The following OGG1 variants were observed in gnomAD, a reference collection of about 807,000 sequenced individuals.
OGG1 encodes the protein 8-oxoguanine DNA glycosylase, also known as N-glycosylase/DNA lyase.
A neutral mutation model predicts 42.3 loss-of-function variants in OGG1; 35 were observed. That is an observed-to-expected ratio of 0.83 (90% CI 0.63 to 1.10). The LOEUF is 1.10. OGG1 is among the 50% of genes least tolerant of loss of function. The pLI, the probability that OGG1 is intolerant of heterozygous loss-of-function variation, is 0.00. For synonymous variants in OGG1, 189 were observed against 179.0 expected, an observed-to-expected ratio of 1.06 and a Z score of -0.44; for missense variants, 484 against 446.7, an observed-to-expected ratio of 1.08 and a Z score of -0.75.
intron 7 of OGG1, among the ~76,000 whole-genome samples, chr3:9,762,717 C>G (rs758016169): frequency 3.0e-4 from 45 of 151,976 alleles, no homozygotes; most frequent in Non-Finnish European, 5.9e-4. Flanking sequence ...GGATAAAATG[C>G]CACACAATTC....
intron 3 of OGG1, chr3:9,785,368 A>C (rs2078583090): frequency 6.2e-7 from 1 of 1,614,004 alleles, no homozygotes; most frequent in South Asian, 1.1e-5. Flanking sequence ...TCAGCCCCTG[A>C]TTCTTTCCCA....
chr3:9,789,902 T>C, downstream of OGG1: 1 of 1,614,162 alleles, frequency 6.2e-7, no homozygotes, highest in Non-Finnish European at 8.5e-7. Flanking sequence ...TCCAAGTTCA[T>C]GGTCTCGACC....
intron 2 of OGG1, among the ~76,000 whole-genome samples, chr3:9,776,175 C>A (rs905534967): frequency 1.3e-5 from 2 of 152,114 alleles, no homozygotes; most frequent in Admixed American, 6.6e-5. Flanking sequence ...CCCAGGGCTC[C>A]AGTCACACTG....
chr3:9,774,527 A>G (rs1185371871), intron 2 of OGG1, among the ~76,000 whole-genome samples: 1 of 152,130 alleles, frequency 6.6e-6, no homozygotes, highest in African/African-American at 2.4e-5. Context: ...GGCAAACTTC[A>G]GACTGGGGAA....
chr3:9,755,612 C>T (rs182848854), intron 4 of OGG1, among the ~76,000 whole-genome samples: 219 of 151,796 alleles, frequency 1.4e-3, no homozygotes, highest in African/African-American at 4.6e-3. Flanking sequence ...TACAGGCATG[C>T]GCCACCACAC....
intron 2 of OGG1, among the ~76,000 whole-genome samples, chr3:9,773,228 C>CAAA (rs76519627): frequency 4.2e-5 from 4 of 94,756 alleles, no homozygotes; most frequent in African/African-American, 7.6e-5. Context: ...GACTACATCT[C>CAAA]AAAAAAAAAA....
downstream of OGG1, among the ~76,000 whole-genome samples, chr3:9,789,120 G>T (rs942590282): frequency 4.9e-4 from 75 of 152,198 alleles, no homozygotes; most frequent in Non-Finnish European, 1.3e-4. Context: ...GCAGGCATAA[G>T]CCACTGCTCC....
Position 9,784,964 on chromosome 3 carries a change from A to G in OGG1, c.383-2764A>G, listed in dbSNP as rs900737587. Among the ~76,000 whole-genome samples the G allele has an allele frequency of 4.6e-5, 7 of 152,050 alleles. No homozygotes were observed. In the East Asian group the frequency reaches 1.3e-3, roughly 29 times the overall value. On this transcript the variant is annotated intron_variant, in intron 3 of 3. Coordinates refer to the OGG1 transcript ENST00000426518. ...ACAACTAATATTTTCTCCACTTGTCACTCTATAATTTACATCTTTTCATGT... is the reference window on the plus strand; with the variant it reads ...ACAACTAATATTTTCTCCACTTGTCGCTCTATAATTTACATCTTTTCATGT...
chr3:9,761,669 C>T (rs2077880852), downstream of OGG1: 1 of 1,614,204 alleles, frequency 6.2e-7, no homozygotes, highest in Non-Finnish European at 8.5e-7. Context: ...GGAGAGCACA[C>T]TGCCCGGGTC....
downstream of OGG1, among the ~76,000 whole-genome samples, chr3:9,769,256 CACACCCTCATATACCAGACGTACCCT>C (rs1271031654): frequency 1.3e-5 from 2 of 151,992 alleles, no homozygotes; most frequent in Non-Finnish European, 2.9e-5. Flanking sequence ...CACACACACA[CACACCCTCATATACCAGACGTACCCT>C]ACACCCTCCA....
chr3:9,775,589 G>A (rs1454136231), intron 2 of OGG1, among the ~76,000 whole-genome samples: 1 of 151,682 alleles, frequency 6.6e-6, no homozygotes, highest in Admixed American at 6.6e-5. Context: ...TATGCACCAG[G>A]AATCACCTAG....
chr3:9,773,651 C>G (rs2125606637), intron 2 of OGG1, among the ~76,000 whole-genome samples: 1 of 145,402 alleles, frequency 6.9e-6, no homozygotes, highest in African/African-American at 2.5e-5. Flanking sequence ...TTTTGAATGG[C>G]TAAACAGTGC....
chr3:9,776,366 CTTCTTTT>C (rs1175496882), intron 2 of OGG1, among the ~76,000 whole-genome samples: 47 of 149,506 alleles, frequency 3.1e-4, no homozygotes, highest in Non-Finnish European at 4.8e-4. Context: ...TTTGCACAGT[CTTCTTTT>C]TTCTTTTTTC....
intron 3 of OGG1, chr3:9,787,051 G>A (rs1469861663): frequency 1.2e-6 from 2 of 1,614,102 alleles, no homozygotes; most frequent in Non-Finnish European, 1.7e-6. Flanking sequence ...CACCAAAGGG[G>A]CATCCATCTT....
Position 9,750,718 on chromosome 3 carries a change from C to A in OGG1, c.138-227C>A, listed in dbSNP as rs1559679492. On this transcript the variant is annotated intron_variant, in intron 1 of 6. Coordinates refer to ENST00000344629, the MANE Select transcript of OGG1 (RefSeq NM_002542.6). ...GCAGAGAGGCCCATTCCAGCCTCGA[C>A]CCCCCGGGCGCAGCCTCCCGAGTAG... The A allele has an allele frequency of 2.6e-5, 18 of 680,644 alleles. No individual in the cohort carries two copies. The South Asian group carries it at 3.1e-4, about 12-fold the overall frequency. 42.2% of individuals were successfully genotyped at this position (680,644 alleles called of 1,614,324 possible).
chr3:9,757,558 G>A, downstream of OGG1: 1 of 1,614,054 alleles, frequency 6.2e-7, no homozygotes, highest in Non-Finnish European at 8.5e-7. The surrounding 1 kb of genome is among the most constrained non-coding windows in gnomAD (Gnocchi z 4.5). Context: ...GTGGGGCAGT[G>A]TGGGGGACAG....
At chr3:9,777,667 G>A (rs989336809) in intron 2 of OGG1, among the ~76,000 whole-genome samples, 7 of 152,104 alleles carry the variant, frequency 4.6e-5, no homozygotes, top group African/African-American at 1.7e-4. Context: ...TGGTGAACCA[G>A]GCCCAGTCGG....
At chr3:9,759,488 CT>C, downstream of OGG1, 1 of 1,614,164 alleles carries the variant, frequency 6.2e-7, no homozygotes, top group Non-Finnish European at 8.5e-7. Context: ...ATGGACTCAC[CT>C]TCCACTTGCT....
downstream of OGG1, chr3:9,760,721 A>T (rs768657576): frequency 1.9e-6 from 3 of 1,614,038 alleles, no homozygotes; most frequent in Non-Finnish European, 1.7e-6. Context: ...AATCTGTTCA[A>T]AGAGTTTGGC....
Sources: allele counts gnomAD v4.1 joint callset (sites outside exome capture counted in the v4.1 genomes callset), GRCh38; gene constraint gnomAD v4.1.1; non-coding constraint Gnocchi (gnomAD v3.1); transcripts MANE v1.5; gene names NCBI Gene and HGNC (gene_info 2026-07-23, HGNC 2026-07-21).